The following NCKAP5 variants were observed in gnomAD, a reference collection of about 807,000 sequenced individuals.
NCKAP5 encodes NCK associated protein 5, also known as nck-associated protein 5.
NCKAP5 carries 92 observed loss-of-function variants against 167.0 expected under a neutral mutation model. The observed-to-expected ratio is 0.55, with a 90% CI of 0.47 to 0.66. NCKAP5 has a LOEUF of 0.66. Ranked by LOEUF, NCKAP5 falls within the 30% of genes least tolerant of loss-of-function variation. NCKAP5 has a pLI of 0.00. For synonymous variants in NCKAP5, 891 were observed against 877.4 expected (o/e 1.02, Z -0.27); for missense variants, 2,378 against 2,315.0 (o/e 1.03, Z -0.56).
chr2:133,008,030 T>A (rs550393542), intron 6 of NCKAP5, among the ~76,000 whole-genome samples: 11 of 152,168 alleles, frequency 7.2e-5, no homozygotes, highest in African/African-American at 2.7e-4. Flanking sequence ...GTCTTCTATG[T>A]GTGCATTGTG....
chr2:132,782,905 A>G lies in NCKAP5; in HGVS notation c.3906T>C (p.Ile1302=). 1 of 1,613,872 alleles carries G rather than the reference A, an allele frequency of 6.2e-7. No individual in the cohort carries two copies. The highest frequency in any genetic ancestry group is 8.5e-7 in the Non-Finnish European group (1 of 1,179,858). ...EGSGKVRTQI[I]TNTAERGNSL... ...AATTGCCTCTCTCGGCGGTATTGGT[A>G]ATGATCTGAGTGCGGACTTTGCCTG... Residue 1302 remains isoleucine, a synonymous_variant, in exon 14 of 20, where the codon ATT becomes ATC. Transcript: ENST00000409261.
rs549471619 is a variant in NCKAP5 at position 133,510,934 on chromosome 2, T to C, written c.69+6524A>G. ...TACCTTAAAGGGTTGTTGTTAAATA[T>C]TAAATGGTAGTTTCCATATAAAGTA... On this transcript the variant is annotated intron_variant, in intron 3 of 19. Transcript: ENST00000409261. Among the ~76,000 whole-genome samples, 10 of 152,366 alleles carry C rather than the reference T, an allele frequency of 6.6e-5. No individual in the cohort carries two copies. In the South Asian group the frequency reaches 2.1e-3, roughly 32 times the overall value.
intron 5 of NCKAP5, among the ~76,000 whole-genome samples, chr2:133,132,508 CACACACACAA>C (rs1263680349): frequency 1.3e-5 from 2 of 149,414 alleles, no homozygotes; most frequent in Admixed American, 1.4e-4. Flanking sequence ...CACACACACA[CACACACACAA>C]ACCCTGATAA....
intron 8 of NCKAP5, among the ~76,000 whole-genome samples, chr2:132,887,723 TG>T (rs1291646257): frequency 6.6e-6 from 1 of 152,194 alleles, no homozygotes; most frequent in Admixed American, 6.5e-5. Context: ...CATAGCTCAC[TG>T]CATACTCAAA....
chr2:133,121,990 C>T (rs1179836641), intron 6 of NCKAP5: 1 of 152,174 alleles, frequency 6.6e-6, no homozygotes, highest in African/African-American at 2.4e-5. Context: ...AAGTTCCATA[C>T]TTTATGACTT....
chr2:133,245,804 T>G (rs890929920), intron 4 of NCKAP5, among the ~76,000 whole-genome samples: 2 of 149,986 alleles, frequency 1.3e-5, no homozygotes, highest in African/African-American at 4.9e-5. Context: ...ATTTTAGGAG[T>G]GATTGAAACA....
intron 8 of NCKAP5, among the ~76,000 whole-genome samples, chr2:132,933,067 G>A (rs1696547593): frequency 6.6e-6 from 1 of 151,916 alleles, no homozygotes; most frequent in African/African-American, 2.4e-5. Flanking sequence ...TGGGACTACA[G>A]GCACCTGCCA....
intron 3 of NCKAP5, among the ~76,000 whole-genome samples, chr2:133,456,510 G>C (rs1237611969): frequency 6.6e-6 from 1 of 152,152 alleles, no homozygotes; most frequent in Non-Finnish European, 1.5e-5. Flanking sequence ...ACATCAAGGA[G>C]TCATCCATAT....
At chr2:132,758,201 T>C (rs1470881696) in intron 16 of NCKAP5, among the ~76,000 whole-genome samples, 2 of 152,166 alleles carry the variant, frequency 1.3e-5, no homozygotes, top group Admixed American at 6.5e-5. Flanking sequence ...TTCCTTTGTG[T>C]GGGGGCAAAT....
intron 3 of NCKAP5, among the ~76,000 whole-genome samples, chr2:133,407,111 G>A (rs1322294257): frequency 6.6e-6 from 1 of 152,226 alleles, no homozygotes; most frequent in Non-Finnish European, 1.5e-5. Flanking sequence ...ATGAGCCTGA[G>A]TCTTGTAATG....
At chr2:133,351,384 C>T (rs549544536) in intron 3 of NCKAP5, among the ~76,000 whole-genome samples, 1 of 151,800 alleles carries the variant, frequency 6.6e-6, no homozygotes, top group South Asian at 2.1e-4. Flanking sequence ...AATATAACTT[C>T]TTTGAGCCTT....
intron 7 of NCKAP5, among the ~76,000 whole-genome samples, chr2:132,991,900 G>A (rs2077459463): frequency 6.6e-6 from 1 of 152,170 alleles, no homozygotes; most frequent in Non-Finnish European, 1.5e-5. Context: ...CATACATCAT[G>A]CATAAACTAT....
rs116571694 is a variant in NCKAP5, at chr2:133,208,837, G to A, written c.207+4879C>T. ...GTTTATTTTTTAAAAGTGAGTTGAG[G>A]ATCTCATTTTCTATTTTCAGGACTA... On this transcript the variant is annotated intron_variant, in intron 5 of 19. Coordinates refer to ENST00000409261, the MANE Select transcript of NCKAP5 (RefSeq NM_207363.3). 3.9e-3 allele frequency among the ~76,000 whole-genome samples: 592 copies of A among 152,180 alleles called. 5 individuals carry two copies. Among genetic ancestry groups the A allele is most frequent in the African/African-American group, 0.014 (566 of 41,512 alleles).
At chr2:133,161,785 C>T (rs974636153) in intron 5 of NCKAP5, among the ~76,000 whole-genome samples, 1 of 152,184 alleles carries the variant, frequency 6.6e-6, no homozygotes, top group Non-Finnish European at 1.5e-5. Flanking sequence ...AAAGCTCAGG[C>T]CTGTCCAAGG....
chr2:133,535,463 A>C (rs1318225283), intron 2 of NCKAP5, among the ~76,000 whole-genome samples: 3 of 152,056 alleles, frequency 2.0e-5, no homozygotes, highest in African/African-American at 7.2e-5. Context: ...TGCAAAAGAC[A>C]GTATTTCATT....
In NCKAP5 at chr2:132,784,277, G is replaced by A; in HGVS notation, c.2534C>T (p.Ser845Leu). 6.2e-7 allele frequency: 1 copy of A among 1,612,832 alleles called. No homozygotes were observed. Among genetic ancestry groups the A allele is most frequent in the African/African-American group, 1.3e-5 (1 of 74,940 alleles). The change falls in exon 14 of 20, where the codon TCA becomes TTA. Residue 845 changes from serine to leucine, a missense_variant. This residue lies in a region of NCKAP5 where 1,049 missense variants were observed against 1,023.4 expected (regional missense o/e 1.02). Transcript: ENST00000409261. ...KSPALAPGKL[S>L]RFMKTESSGP... ...TGAGCTCTCAGTCTTCATGAATCGT[G>A]AGAGTTTCCCAGGAGCTAAGGCTGG...
At chr2:133,383,710 A>C (rs1297358027) in intron 3 of NCKAP5, among the ~76,000 whole-genome samples, 2 of 152,154 alleles carry the variant, frequency 1.3e-5, no homozygotes, top group Non-Finnish European at 2.9e-5. Flanking sequence ...ATTTCTCCAC[A>C]TCCTCTCCAG....
chr2:132,795,581 G>A (rs1684512068), intron 12 of NCKAP5, among the ~76,000 whole-genome samples: 1 of 152,066 alleles, frequency 6.6e-6, no homozygotes, highest in Non-Finnish European at 1.5e-5. Flanking sequence ...AACACTTTGG[G>A]AGGCCGAGGC....
At chr2:132,959,065 ATATTAATAATATATTAATAAATATAT>A (rs1473196260) in intron 8 of NCKAP5, among the ~76,000 whole-genome samples, 4 of 146,810 alleles carry the variant, frequency 2.7e-5, no homozygotes, top group African/African-American at 9.9e-5. Flanking sequence ...ATATATAAAT[ATATTAATAATATATTAATAAATATAT>A]TATTAATATA....
Sources: gnomAD v4.1 joint callset for allele counts (sites outside exome capture counted in the v4.1 genomes callset) on GRCh38, gnomAD v4.1.1 for gene constraint, gnomAD v4.1.1 regional missense constraint, MANE v1.5 for transcripts, NCBI Gene and HGNC (gene_info 2026-07-23, HGNC 2026-07-21) for gene names.